The following CTDSPL variants were observed in gnomAD, a reference collection of about 807,000 sequenced individuals.
CTDSPL encodes the protein CTD small phosphatase like.
In CTDSPL, 8 loss-of-function variants were observed where a neutral mutation model predicts 30.5. That is an observed-to-expected ratio of 0.26 (90% CI 0.15 to 0.47). CTDSPL has a LOEUF of 0.47. Ranked by LOEUF, CTDSPL falls within the 20% of genes least tolerant of loss-of-function variation. The pLI is 0.99. For synonymous variants in CTDSPL, 110 were observed against 137.9 expected, an observed-to-expected ratio of 0.80 and a Z score of 1.42; for missense variants, 248 against 366.1, an observed-to-expected ratio of 0.68 and a Z score of 2.63.
In CTDSPL at chr3:37,939,405, G is replaced by T. The variant is rs149830721; in HGVS notation, c.80-7652G>T. On this transcript the variant is annotated intron_variant, in intron 1 of 7. Coordinates refer to ENST00000273179, the MANE Select transcript of CTDSPL (RefSeq NM_001008392.2). ...ATTCCAAAGCCTGTGTTCTTTCCAT[G>T]TAACTTATATTTAAAGTCAATTTCT... 4.4e-3 allele frequency among the ~76,000 whole-genome samples: 664 copies of T among 150,486 alleles called. 16 individuals are homozygous for T. Among genetic ancestry groups the T allele is most frequent in the African/African-American group, 0.015 (621 of 41,412 alleles).
rs562570963 is a variant in CTDSPL at position 37,934,711 on chromosome 3, C to T, written c.80-12346C>T. ...GTTAAAACTACTTGGAGGAGGGAGG[C>T]TTGCAGTAGACAAGAGGGATTCCTG... is the stretch of plus-strand genomic sequence containing the variant. On this transcript the variant is annotated intron_variant, in intron 1 of 7. Transcript: ENST00000273179. Among the ~76,000 whole-genome samples, 12 of 152,322 alleles carry T rather than the reference C, an allele frequency of 7.9e-5. No individual in the cohort carries two copies. In the South Asian group the frequency reaches 2.3e-3, roughly 29 times the overall value.
chr3:37,877,913 G>A (rs1054575419), intron 1 of CTDSPL, among the ~76,000 whole-genome samples: 8 of 151,960 alleles, frequency 5.3e-5, no homozygotes, highest in African/African-American at 1.7e-4. Flanking sequence ...TGAGGGATCC[G>A]CTCCCATGAC....
At chr3:37,923,375 A>C (rs554064045) in intron 1 of CTDSPL, among the ~76,000 whole-genome samples, 1 of 152,244 alleles carries the variant, frequency 6.6e-6, no homozygotes, top group Non-Finnish European at 1.5e-5. Context: ...CAGAACTGCC[A>C]TCCCAACTGA....
Position 37,881,313 on chromosome 3 carries a change from G to T in CTDSPL, c.79+19035G>T, listed in dbSNP as rs190774941. On this transcript the variant is annotated intron_variant, in intron 1 of 7. Transcript: ENST00000273179. ...GGAGGCTGAGGCAGGCAGATCGCTT[G>T]AGGTTAGGAGCTCAAGACCAGCCTG... Among the ~76,000 whole-genome samples the T allele has an allele frequency of 3.2e-3, 484 of 152,200 alleles. 2 individuals are homozygous for T. The highest frequency in any genetic ancestry group is 0.011 in the African/African-American group (453 of 41,512).
chr3:37,902,934 C>A (rs1322769322), intron 1 of CTDSPL, among the ~76,000 whole-genome samples: 1 of 152,212 alleles, frequency 6.6e-6, no homozygotes, highest in African/African-American at 2.4e-5. Flanking sequence ...CTCTAGGGGG[C>A]AACATCTACA....
intron 1 of CTDSPL, among the ~76,000 whole-genome samples, chr3:37,881,393 G>C (rs1284207591): frequency 3.3e-5 from 5 of 152,120 alleles, no homozygotes; most frequent in African/African-American, 1.2e-4. Context: ...GCTGGGCCTG[G>C]TGGTGGCTGC....
chr3:37,891,405 A>G (rs766287528), intron 1 of CTDSPL, among the ~76,000 whole-genome samples: 21 of 152,206 alleles, frequency 1.4e-4, no homozygotes, highest in Non-Finnish European at 2.9e-4. Flanking sequence ...GTGGTTGTGA[A>G]GGAAAGGGCC....
intron 1 of CTDSPL, among the ~76,000 whole-genome samples, chr3:37,875,809 A>G (rs929209255): frequency 1.3e-5 from 2 of 152,262 alleles, no homozygotes; most frequent in African/African-American, 4.8e-5. Context: ...TTTCATAGCA[A>G]TCGTGAAATA....
At chr3:37,924,120 G>A (rs537753013) in intron 1 of CTDSPL, among the ~76,000 whole-genome samples, 7 of 152,342 alleles carry the variant, frequency 4.6e-5, no homozygotes, top group Admixed American at 4.6e-4. Context: ...CCGGTCCAAG[G>A]TGAGAGTTTC....
At chr3:37,870,063 T>G (rs1575274500) in intron 1 of CTDSPL, among the ~76,000 whole-genome samples, 2 of 152,206 alleles carry the variant, frequency 1.3e-5, no homozygotes, top group Middle Eastern at 3.4e-3. Context: ...GCAGTTTTCT[T>G]TTTTTGTGTT....
intron 1 of CTDSPL, among the ~76,000 whole-genome samples, chr3:37,906,680 C>T (rs746161910): frequency 4.6e-5 from 7 of 152,192 alleles, no homozygotes; most frequent in South Asian, 4.1e-4. Context: ...CCCTGGTAGA[C>T]ACAGACTGTT....
At chr3:37,938,684 T>C (rs1401021444) in intron 1 of CTDSPL, among the ~76,000 whole-genome samples, 1 of 148,440 alleles carries the variant, frequency 6.7e-6, no homozygotes, top group African/African-American at 2.5e-5. Context: ...TGTGGGTTTT[T>C]TTTTTGTTTT....
intron 1 of CTDSPL, among the ~76,000 whole-genome samples, chr3:37,872,131 A>G (rs1004101617): frequency 6.6e-6 from 1 of 152,142 alleles, no homozygotes; most frequent in Non-Finnish European, 1.5e-5. Context: ...AGCTGCGACT[A>G]CAGGCACATG....
chr3:37,966,228 T>C lies in CTDSPL; in HGVS notation c.369+1556T>C, dbSNP rs141970511. On this transcript the variant is annotated intron_variant, in intron 4 of 7. Coordinates refer to ENST00000273179, the MANE Select transcript of CTDSPL (RefSeq NM_001008392.2). ...GCCACAAGCTAATGTGAATGGTGTTTCCTCATTTCTTCCCTCCCCTGGCCT... is the reference window on the plus strand; with the variant it reads ...GCCACAAGCTAATGTGAATGGTGTTCCCTCATTTCTTCCCTCCCCTGGCCT... Among the ~76,000 whole-genome samples, 449 of 152,356 alleles carry C rather than the reference T, an allele frequency of 2.9e-3. 5 individuals carry two copies. Among genetic ancestry groups the C allele is most frequent in the East Asian group, 0.011 (57 of 5,188 alleles).
rs1311485220 is a variant in CTDSPL, at chr3:37,939,813, G to T, written c.80-7244G>T. 1.3e-5 allele frequency among the ~76,000 whole-genome samples: 2 copies of T among 150,426 alleles called. 1 individual carries two copies. Among genetic ancestry groups the T allele is most frequent in the Non-Finnish European group, 3.0e-5 (2 of 67,134 alleles). ...GCTTCTTTCAAGAAGGCATTTCTGG[G>T]CTGGGCACGGTGGTTCACGCCTATA... On this transcript the variant is annotated intron_variant, in intron 1 of 7. Transcript: ENST00000273179.
At chr3:37,973,292 T>A (rs949607729) in intron 6 of CTDSPL, among the ~76,000 whole-genome samples, 5 of 152,198 alleles carry the variant, frequency 3.3e-5, no homozygotes, top group Non-Finnish European at 5.9e-5. Flanking sequence ...CCTGAAGTAA[T>A]AACCAAAGAA....
At chr3:37,910,356 CTGTA>C (rs1460668610) in intron 1 of CTDSPL, among the ~76,000 whole-genome samples, 2 of 152,136 alleles carry the variant, frequency 1.3e-5, no homozygotes, top group Non-Finnish European at 2.9e-5. Context: ...TAGTGGGCAC[CTGTA>C]ATCCCAGCTA....
chr3:37,984,033 A>G lies in CTDSPL; in HGVS notation c.*3166A>G. On this transcript the variant is annotated 3_prime_UTR_variant, in exon 8 of 8. Transcript: ENST00000273179. ...CCTGTATTTTTAAAGATGGCTTTCT[A>G]ATAAAAAATCCAGAACCACACAGCC... is the stretch of plus-strand genomic sequence containing the variant. 7.7e-6 allele frequency: 2 copies of G among 260,116 alleles called. No individual in the cohort carries two copies. Among genetic ancestry groups the G allele is most frequent in the South Asian group, 8.0e-5 (2 of 25,038 alleles). The allele number at this position is 260,116 out of a possible 1,614,324, so 16.1% of individuals were successfully genotyped here.
chr3:37,947,064 G>C lies in CTDSPL; in HGVS notation c.87G>C (p.Gln29His), dbSNP rs139535157. The C allele has an allele frequency of 5.2e-5, 84 of 1,613,338 alleles. No individual in the cohort carries two copies. Among genetic ancestry groups the C allele is most frequent in the Non-Finnish European group, 7.1e-5 (84 of 1,179,608 alleles). The change falls in exon 2 of 8, where the codon CAG (glutamine) becomes CAC (histidine). Residue 29 changes from glutamine (Q) to histidine (H), a missense_variant. This residue lies in a region of CTDSPL where 118 missense variants were observed against 124.7 expected (regional missense o/e 0.95). Transcript: ENST00000273179. The stretch of plus-strand genomic sequence containing the variant: ...CTCTGTTTCTGTTTCCAGCCTCCCA[G>C]TGCAACGTCAGCTTAAAGAAGCAGA... ...RLPGAGEKASQCNVSLKKQRS... is the reference protein window; with the variant it reads ...RLPGAGEKASHCNVSLKKQRS...
Sources: gnomAD v4.1 joint callset for allele counts (sites outside exome capture counted in the v4.1 genomes callset) on GRCh38, gnomAD v4.1.1 for gene constraint, gnomAD v4.1.1 regional missense constraint, MANE v1.5 for transcripts, NCBI Gene and HGNC (gene_info 2026-07-23, HGNC 2026-07-21) for gene names.